The following PAX5 variants were observed in gnomAD, a reference collection of about 807,000 sequenced individuals.
PAX5 encodes the protein paired box 5.
Under a neutral mutation model 43.7 loss-of-function variants are expected in PAX5, and 9 were observed. The ratio of observed to expected loss-of-function variants is 0.21; its 90% confidence interval spans 0.12 to 0.36. The LOEUF (loss-of-function observed/expected upper bound fraction) is 0.36. PAX5 is among the 10% of genes least tolerant of loss of function. PAX5 has a pLI of 1.00. For synonymous variants in PAX5, 228 were observed against 214.3 expected, an observed-to-expected ratio of 1.06 and a Z score of -0.56; for missense variants, 383 against 532.7, an observed-to-expected ratio of 0.72 and a Z score of 2.77.
chr9:36,887,169 C>G (rs1336309997), intron 7 of PAX5, among the ~76,000 whole-genome samples: 1 of 152,106 alleles, frequency 6.6e-6, no homozygotes, highest in Admixed American at 6.5e-5. Flanking sequence ...AAAATGTTTC[C>G]CCTCGAGGGG....
At chr9:36,930,355 C>T (rs900328683) in intron 6 of PAX5, among the ~76,000 whole-genome samples, 1 of 150,376 alleles carries the variant, frequency 6.6e-6, no homozygotes, top group African/African-American at 2.5e-5. Context: ...TCCCAAGTAG[C>T]TGGGACTACA....
chr9:36,845,475 G>A (rs1822475970), intron 9 of PAX5, among the ~76,000 whole-genome samples: 1 of 152,266 alleles, frequency 6.6e-6, no homozygotes, highest in South Asian at 2.1e-4. Flanking sequence ...AGGAGTCTGA[G>A]AAGAGATCAA....
intron 1 of PAX5, among the ~76,000 whole-genome samples, chr9:37,032,967 G>A (rs984704682): frequency 2.2e-4 from 33 of 152,238 alleles, no homozygotes; most frequent in Non-Finnish European, 2.2e-4. Flanking sequence ...CCACTGGTGC[G>A]GCACCCACAG....
At chr9:36,946,644 G>A (rs1457443570) in intron 6 of PAX5, among the ~76,000 whole-genome samples, 3 of 152,206 alleles carry the variant, frequency 2.0e-5, no homozygotes, top group Non-Finnish European at 1.5e-5. Context: ...GCATAGATGC[G>A]CTTTCTGACT....
intron 8 of PAX5, chr9:36,856,487 G>C (rs1011782018): frequency 1.3e-5 from 2 of 152,160 alleles, no homozygotes; most frequent in Non-Finnish European, 2.9e-5. Flanking sequence ...CACTTCAAAA[G>C]AGTGCAAAAG....
intron 3 of PAX5, 94 bp downstream of exon 3, chr9:37,014,903 A>G: frequency 8.4e-7 from 1 of 1,191,184 alleles, no homozygotes; most frequent in South Asian, 1.4e-5. Context: ...TGGTGAAAAA[A>G]GAGACCAGAT....
chr9:36,862,393 T>A (rs1401802951), intron 8 of PAX5, among the ~76,000 whole-genome samples: 2 of 152,092 alleles, frequency 1.3e-5, no homozygotes, highest in African/African-American at 4.8e-5. Context: ...CCGGCCTTCC[T>A]ATTTCAGAAG....
At chr9:37,020,510 G>T (rs1839763816) in intron 2 of PAX5, 126 bp downstream of exon 2, 1 of 978,092 alleles carries the variant, frequency 1.0e-6, no homozygotes, top group Non-Finnish European at 1.6e-6. Context: ...ACTTTAAAGT[G>T]CTCTGCGTGT....
At chr9:36,937,527 C>A (rs1831658720) in intron 6 of PAX5, among the ~76,000 whole-genome samples, 1 of 152,200 alleles carries the variant, frequency 6.6e-6, no homozygotes, top group Admixed American at 6.5e-5. Context: ...GTAAACTGCT[C>A]CACGATGTGC....
intron 7 of PAX5, among the ~76,000 whole-genome samples, chr9:36,899,569 C>T (rs1247976065): frequency 2.0e-5 from 3 of 152,144 alleles, no homozygotes; most frequent in East Asian, 1.9e-4. Context: ...ATCGGTGTTA[C>T]TTTCCAACCT....
chr9:36,855,852 T>A (rs1422061501), intron 8 of PAX5, among the ~76,000 whole-genome samples: 1 of 152,200 alleles, frequency 6.6e-6, no homozygotes, highest in Non-Finnish European at 1.5e-5. Context: ...CTTCCTTCCC[T>A]TCCTCATGTC....
chr9:37,009,759 A>G (rs1838769685), intron 3 of PAX5, among the ~76,000 whole-genome samples: 1 of 151,920 alleles, frequency 6.6e-6, no homozygotes, highest in Non-Finnish European at 1.5e-5. Context: ...GTTATTACTC[A>G]TTGCATACCT....
chr9:36,863,626 G>A (rs1316867841), intron 8 of PAX5, among the ~76,000 whole-genome samples: 1 of 152,182 alleles, frequency 6.6e-6, no homozygotes, highest in East Asian at 1.9e-4. Context: ...TGTTAAAAGG[G>A]CTCTAGAACC....
chr9:36,964,453 G>A (rs1311496349), intron 6 of PAX5, among the ~76,000 whole-genome samples: 7 of 151,146 alleles, frequency 4.6e-5, no homozygotes, highest in South Asian at 4.2e-4. Context: ...TTAGCCGGGC[G>A]TGGTGGCAGG....
At chr9:36,981,195 C>CGT (rs1028859370) in intron 5 of PAX5, among the ~76,000 whole-genome samples, 3 of 145,296 alleles carry the variant, frequency 2.1e-5, no homozygotes, top group Admixed American at 6.9e-5. Context: ...GCCCCCCCCC[C>CGT]CTCAGCCCTG....
intron 6 of PAX5, among the ~76,000 whole-genome samples, chr9:36,925,624 G>A (rs555562554): frequency 6.6e-6 from 1 of 152,286 alleles, no homozygotes; most frequent in Non-Finnish European, 1.5e-5. Context: ...AAAGAAATTG[G>A]ATCTTCACAC....
At chr9:36,903,541 G>C (rs1158632670) in intron 7 of PAX5, among the ~76,000 whole-genome samples, 1 of 152,224 alleles carries the variant, frequency 6.6e-6, no homozygotes, top group African/African-American at 2.4e-5. Context: ...GGGGCTGAGA[G>C]CCCTGAGGCT....
intron 7 of PAX5, among the ~76,000 whole-genome samples, chr9:36,905,910 T>C (rs1563952495): frequency 6.6e-6 from 1 of 152,154 alleles, no homozygotes; most frequent in Non-Finnish European, 1.5e-5. Context: ...AGCACCTATA[T>C]TCCAAAGTCT....
intron 8 of PAX5, 126 bp downstream of exon 8, chr9:36,881,878 C>A: frequency 1.3e-6 from 1 of 758,020 alleles, no homozygotes; most frequent in Non-Finnish European, 2.2e-6. Flanking sequence ...GTGCAGACCT[C>A]TGCCTGATTT....
Sources: gnomAD v4.1 joint callset for allele counts (sites outside exome capture counted in the v4.1 genomes callset) on GRCh38, gnomAD v4.1.1 for gene constraint, MANE v1.5 for transcripts, NCBI Gene and HGNC (gene_info 2026-07-23, HGNC 2026-07-21) for gene names.